Variants in CELF2 observed in about 807,000 individuals in gnomAD.
CELF2 encodes CUG triplet repeat RNA-binding protein 2.
A neutral mutation model predicts 62.6 loss-of-function variants in CELF2; 8 were observed. That is an observed-to-expected ratio of 0.13 (90% confidence interval 0.07 to 0.23). The LOEUF (loss-of-function observed/expected upper bound fraction) is 0.23, where lower values mean the gene tolerates loss of function less well. Among genes scored for constraint, CELF2 ranks in the 10% least tolerant of loss-of-function variants. The pLI, the probability that CELF2 is intolerant of heterozygous loss-of-function variation, is 1.00. For missense variants in CELF2, 333 were observed against 671.0 expected (o/e 0.50, Z 5.56); for synonymous variants, 258 against 250.0 (o/e 1.03, Z -0.30).
intron 1 of CELF2, among the ~76,000 whole-genome samples, chr10:10,894,996 G>A (rs982533492): frequency 6.6e-6 from 1 of 152,170 alleles, no homozygotes; most frequent in Non-Finnish European, 1.5e-5. Flanking sequence ...AATCAAATGT[G>A]CTAGCTACTA....
chr10:11,048,405 A>G (rs982572533), intron 1 of CELF2, among the ~76,000 whole-genome samples: 2 of 152,184 alleles, frequency 1.3e-5, no homozygotes, highest in African/African-American at 4.8e-5. Context: ...TGAACCTGAC[A>G]TATACTTGAT....
At chr10:11,050,298 C>T (rs989903556) in intron 1 of CELF2, among the ~76,000 whole-genome samples, 1 of 152,206 alleles carries the variant, frequency 6.6e-6, no homozygotes, top group Non-Finnish European at 1.5e-5. Flanking sequence ...TTGCACTGAT[C>T]TCTTTTAAAT....
the CELF2 span, among the ~76,000 whole-genome samples, chr10:10,479,649 C>T: frequency 3.3e-5 from 5 of 152,216 alleles, no homozygotes; most frequent in South Asian, 4.1e-4. Flanking sequence ...ATTAAGAATA[C>T]GAGCTCTGGA....
At chr10:10,540,086 G>T in the CELF2 span, among the ~76,000 whole-genome samples, 1 of 152,206 alleles carries the variant, frequency 6.6e-6, no homozygotes, top group Non-Finnish European at 1.5e-5. Flanking sequence ...TCTCACTCCA[G>T]TGTCTTAATT....
the CELF2 span, among the ~76,000 whole-genome samples, chr10:10,622,956 G>GCC: frequency 6.6e-6 from 1 of 151,684 alleles, no homozygotes; most frequent in African/African-American, 2.4e-5. Flanking sequence ...GGTGGCGGGC[G>GCC]CCTGTAGTCC....
Position 10,957,715 on chromosome 10 carries a change from GA to G in CELF2, c.89+37717del, listed in dbSNP as rs1592400555. ...TCTCCTTGCTCACATGTCTTCAAAAGAGTTGGTAGCTGGTGAACAGAAACTG... is the reference window on the plus strand; with the variant it reads ...TCTCCTTGCTCACATGTCTTCAAAAGGTTGGTAGCTGGTGAACAGAAACTG... On this transcript the variant is annotated intron_variant, in intron 2 of 13. Transcript: ENST00000636488. The surrounding 1 kb of genome is among the most constrained non-coding windows in gnomAD (Gnocchi z 4.1). Among the ~76,000 whole-genome samples, 2 of 152,294 alleles carry G rather than the reference GA, an allele frequency of 1.3e-5. No homozygotes were observed. Among genetic ancestry groups the G allele is most frequent in the East Asian group, 3.9e-4 (2 of 5,172 alleles).
intron 9 of CELF2, among the ~76,000 whole-genome samples, chr10:11,313,611 C>T (rs769586571): frequency 1.3e-5 from 2 of 152,166 alleles, no homozygotes; most frequent in Non-Finnish European, 2.9e-5. Flanking sequence ...ATTTTACTGG[C>T]AAGTGCTACC....
the CELF2 span, among the ~76,000 whole-genome samples, chr10:10,519,744 C>T: frequency 2.0e-5 from 3 of 152,138 alleles, no homozygotes; most frequent in Non-Finnish European, 1.5e-5. Context: ...AGTTGGACCC[C>T]GTGAAGGTTG....
chr10:11,010,810 G>A lies in CELF2; in HGVS notation c.53+5370G>A, dbSNP rs922123108. 6 of 152,336 alleles carry A rather than the reference G, an allele frequency of 3.9e-5. No individual in the cohort carries two copies. Among genetic ancestry groups the A allele is most frequent in the Middle Eastern group, 3.4e-3 (1 of 294 alleles). 9.4% of individuals were successfully genotyped at this position (152,336 alleles called of 1,614,324 possible). ...TAGCGAGGAAGTTGTACAATTCAGC[G>A]AGGAACTGTCACGTAGGATCTGCGG... is the stretch of plus-strand genomic sequence containing the variant. On this transcript the variant is annotated intron_variant, in intron 1 of 12. Coordinates refer to the CELF2 transcript ENST00000416382. The surrounding 1 kb of genome is among the most constrained non-coding windows in gnomAD (Gnocchi z 4.1).
At chr10:10,758,272 A>G in the CELF2 span, among the ~76,000 whole-genome samples, 5 of 152,348 alleles carry the variant, frequency 3.3e-5, no homozygotes, top group South Asian at 4.1e-4. Flanking sequence ...GCATCCAGCT[A>G]TTCTCTGTGC....
At chr10:11,251,774 A>G (rs947623734) in intron 4 of CELF2, among the ~76,000 whole-genome samples, 7 of 152,242 alleles carry the variant, frequency 4.6e-5, no homozygotes, top group African/African-American at 1.7e-4. Context: ...GTTAACGTCT[A>G]TAAAGAGCTC....
the CELF2 span, among the ~76,000 whole-genome samples, chr10:10,781,199 G>A: frequency 1.6e-4 from 25 of 152,182 alleles, 1 homozygote; most frequent in Admixed American, 1.6e-3. Context: ...CCACATATAT[G>A]AGTGGCCCCA....
rs2093583298 is a variant in CELF2 at position 11,300,146 on chromosome 10, A to G, written c.976+11594A>G. 6.6e-6 allele frequency among the ~76,000 whole-genome samples: 1 copy of G among 152,222 alleles called. No individual in the cohort carries two copies. Among genetic ancestry groups the G allele is most frequent in the African/African-American group, 2.4e-5 (1 of 41,444 alleles). ...AGTAGATTTCTTAGATCCACTAGAC[A>G]GAGCTTCCACAAGCCTTTGGGAATG... On this transcript the variant is annotated intron_variant, in intron 9 of 12. Coordinates refer to ENST00000633077, the MANE Select transcript of CELF2 (RefSeq NM_001326342.2). This position sits in a 1 kb window ranked among gnomAD's most constrained non-coding sequence, Gnocchi z 5.5.
At chr10:10,653,029 A>C in the CELF2 span, among the ~76,000 whole-genome samples, 1 of 152,186 alleles carries the variant, frequency 6.6e-6, no homozygotes, top group African/African-American at 2.4e-5. Context: ...AAGATCTACC[A>C]AGCAAATGGA....
chr10:10,534,214 TAAA>T, the CELF2 span, among the ~76,000 whole-genome samples: 1 of 134,316 alleles, frequency 7.4e-6, no homozygotes, highest in Admixed American at 7.5e-5. Flanking sequence ...GAGGAGTTGT[TAAA>T]AAAAAAAAAA....
chr10:11,197,020 GA>G (rs1335495520), intron 2 of CELF2, among the ~76,000 whole-genome samples: 174 of 9,490 alleles, frequency 0.018, 33 homozygotes, highest in African/African-American at 0.074. Context: ...AAGAAAGAAA[GA>G]AAGAAAAGAA....
At chr10:11,089,379 A>G (rs2047692617) in intron 1 of CELF2, among the ~76,000 whole-genome samples, 1 of 152,206 alleles carries the variant, frequency 6.6e-6, no homozygotes, top group Non-Finnish European at 1.5e-5. Flanking sequence ...AGGACTTTAC[A>G]CACCAGCCTA....
At chr10:10,662,163 G>A in the CELF2 span, among the ~76,000 whole-genome samples, 1 of 152,084 alleles carries the variant, frequency 6.6e-6, no homozygotes, top group East Asian at 1.9e-4. Context: ...CTCCAACCAC[G>A]TCCACTGTAC....
At chr10:10,650,220 A>G in the CELF2 span, among the ~76,000 whole-genome samples, 1 of 152,226 alleles carries the variant, frequency 6.6e-6, no homozygotes. Flanking sequence ...CAAATAAAGC[A>G]GAACAAAAAG....
Sources: allele counts gnomAD v4.1 joint callset (sites outside exome capture counted in the v4.1 genomes callset), GRCh38; gene constraint gnomAD v4.1.1; non-coding constraint Gnocchi (gnomAD v3.1); transcripts MANE v1.5; gene names NCBI Gene and HGNC (gene_info 2026-07-23, HGNC 2026-07-21).